Variants in KIF26A observed in about 807,000 individuals in gnomAD.
The protein encoded by KIF26A is kinesin-like protein KIF26A.
KIF26A carries 74 observed loss-of-function variants against 126.0 expected under a neutral mutation model. That is an observed-to-expected ratio of 0.59 (90% CI 0.49 to 0.71). KIF26A has a LOEUF of 0.71. Among genes scored for constraint, KIF26A ranks in the 30% least tolerant of loss-of-function variants. The pLI, the probability that KIF26A is intolerant of heterozygous loss-of-function variation, is 0.00. For synonymous variants in KIF26A, 1,445 were observed against 1,232.7 expected (o/e 1.17, Z -3.61); for missense variants, 2,984 against 2,763.3 (o/e 1.08, Z -1.79).
intron 4 of KIF26A, among the ~76,000 whole-genome samples, 154 bp from the exon 5 acceptor site, chr14:104,166,705 T>C (rs947974502): frequency 6.6e-6 from 1 of 152,012 alleles, no homozygotes; most frequent in Non-Finnish European, 1.5e-5. Context: ...ACTGTAGAAA[T>C]GAAGTGCAGG....
intron 2 of KIF26A, among the ~76,000 whole-genome samples, chr14:104,142,355 T>A (rs898177815): frequency 6.6e-6 from 1 of 151,646 alleles, no homozygotes; most frequent in Admixed American, 6.6e-5. Flanking sequence ...CACTGTGCCC[T>A]CTGCTCTCAC....
chr14:104,175,482 C>T lies in KIF26A; in HGVS notation c.2694C>T (p.Thr898=), dbSNP rs1175802812. The change falls in exon 12 of 15, where the codon ACC becomes ACT. Residue 898 remains threonine (T), a synonymous_variant. Transcript: ENST00000423312. ...KAVGTPMAAS[T]PRGSSGPDTH... The stretch of plus-strand genomic sequence containing the variant: ...TGGGCACCCCGATGGCTGCCAGCAC[C>T]CCTCGAGGCAGTTCTGGTCCAGACA... 1.3e-6 allele frequency: 2 copies of T among 1,593,198 alleles called. No homozygotes were observed. The highest frequency in any genetic ancestry group is 2.7e-5 in the African/African-American group (2 of 74,816).
At position 104,138,660 on chromosome 14, in the gene KIF26A, G is replaced by T. The variant is rs2051290906; in HGVS notation, c.-63G>T. ...CGCCTCGGGGCCGGATCACGTAGCC[G>T]CGGCGCCCCCGGAGAGCCAGCGTGG... On this transcript the variant is annotated 5_prime_UTR_variant, in exon 1 of 15. Transcript: ENST00000423312. 8.2e-7 allele frequency: 1 copy of T among 1,217,918 alleles called. No homozygotes were observed. The highest frequency in any genetic ancestry group is 4.2e-5 in the Admixed American group (1 of 23,866). The allele number at this position is 1,217,918 out of a possible 1,614,324, so 75.4% of individuals were successfully genotyped here.
rs147965835 is a variant in KIF26A at position 104,171,793 on chromosome 14, A to G, written c.1184A>G (p.Lys395Arg). The G allele has an allele frequency of 2.9e-4, 460 of 1,574,052 alleles. 3 individuals are homozygous for G. In the African/African-American group the frequency reaches 5.3e-3, roughly 18 times the overall value. The change falls in exon 6 of 15, where the codon AAG becomes AGG. Residue 395 changes from lysine (K) to arginine (R), a missense_variant. Transcript: ENST00000423312. ...TCGGCCGAGGCCATGTCCTTCCTGA[A>G]GGTGGACCCTCGGAAGAAGCAGGTG... ...QRSAEAMSFL[K>R]VDPRKKQVIL...
At chr14:104,146,052 T>G (rs939370521) in intron 2 of KIF26A, among the ~76,000 whole-genome samples, 2 of 152,208 alleles carry the variant, frequency 1.3e-5, no homozygotes, top group African/African-American at 4.8e-5. Context: ...CTCTGGGCCC[T>G]GGAGTCACCC....
At position 104,166,233 on chromosome 14, in the gene KIF26A, C is replaced by T. The variant is rs1414511267; in HGVS notation, c.924-626C>T. ...AGGATGGCTCTAGGGCCTTGGTGAT[C>T]GGCAAGGGGCAAGGCAGCCTCACCT... On this transcript the variant is annotated intron_variant, in intron 4 of 14. Transcript: ENST00000423312. Among the ~76,000 whole-genome samples the T allele has an allele frequency of 3.3e-5, 5 of 152,018 alleles. No homozygotes were observed. The East Asian group carries it at 7.7e-4, about 23-fold the overall frequency.
chr14:104,178,764 T>A lies in KIF26A; in HGVS notation c.5316+9T>A. 6.8e-7 allele frequency: 1 copy of A among 1,461,514 alleles called. No homozygotes were observed. Among genetic ancestry groups the A allele is most frequent in the South Asian group, 1.3e-5 (1 of 79,088 alleles). The allele number at this position is 1,461,514 out of a possible 1,614,324, so 90.5% of individuals were successfully genotyped here. On this transcript the variant is annotated intron_variant, in intron 13 of 14. Coordinates refer to ENST00000423312, the MANE Select transcript of KIF26A (RefSeq NM_015656.2). ...GGGAGGCCCCCACCCAGGTAGGGCC[T>A]TTGGTGGGCTGGGGTCTATGACCCC...
chr14:104,177,708 G>A lies in KIF26A; in HGVS notation c.4920G>A (p.Glu1640=). 6.5e-7 allele frequency: 1 copy of A among 1,531,622 alleles called. No homozygotes were observed. The highest frequency in any genetic ancestry group is 8.7e-7 in the Non-Finnish European group (1 of 1,144,576). 94.9% of individuals were successfully genotyped at this position (1,531,622 alleles called of 1,614,324 possible). The stretch of plus-strand genomic sequence containing the variant: ...ACAACAGCAGCGTGCTGAGTGGAGA[G>A]CTGCCGCCCGCCATGGGCCGCACCG... ...GSDNSSVLSG[E]LPPAMGRTAL... The change falls in exon 12 of 15, where the codon GAG becomes GAA. Residue 1640 remains glutamate (E), a synonymous_variant. Transcript: ENST00000423312.
chr14:104,175,837 A>G lies in KIF26A; in HGVS notation c.3049A>G (p.Thr1017Ala), dbSNP rs1366823349. ...RCPERGLLTT[T>A]VTLQRPVELN... is the part of the protein sequence containing the mutation. ...TCCGGAGCGGGGCCTGCTCACCACC[A>G]CAGTGACCCTGCAGCGGCCAGTGGA... The change falls in exon 12 of 15, where the codon ACA becomes GCA. Residue 1017 changes from threonine to alanine, a missense_variant. Coordinates refer to ENST00000423312, the MANE Select transcript of KIF26A (RefSeq NM_015656.2). The G allele has an allele frequency of 6.5e-7, 1 of 1,538,740 alleles. No homozygotes were observed. Among genetic ancestry groups the G allele is most frequent in the Admixed American group, 2.0e-5 (1 of 51,162 alleles).
At chr14:104,153,434 G>GC (rs2037748244) in intron 3 of KIF26A, among the ~76,000 whole-genome samples, 1 of 106,992 alleles carries the variant, frequency 9.3e-6, no homozygotes, top group Non-Finnish European at 2.2e-5. Context: ...AGGAGAGGGA[G>GC]CCCCACCCTT....
At chr14:104,156,527 C>T (rs2141099015) in intron 3 of KIF26A, among the ~76,000 whole-genome samples, 1 of 152,334 alleles carries the variant, frequency 6.6e-6, no homozygotes, top group East Asian at 1.9e-4. Flanking sequence ...CTTGGGGCTC[C>T]CTGTGAACTT....
Position 104,177,374 on chromosome 14 carries a change from G to T in KIF26A, c.4586G>T (p.Gly1529Val), listed in dbSNP as rs746912577. Residue 1529 changes from glycine (G) to valine (V), a missense_variant, in exon 12 of 15, where the codon GGC (glycine) becomes GTC (valine). Coordinates refer to ENST00000423312, the MANE Select transcript of KIF26A (RefSeq NM_015656.2). ...TASVTGRSPG[G>V]PVAGPRAAPR... Reference sequence around the variant, plus strand: ...TCTGTGACGGGCAGGAGCCCTGGCGGCCCTGTGGCCGGTCCCAGAGCAGCC... The same window carrying T: ...TCTGTGACGGGCAGGAGCCCTGGCGTCCCTGTGGCCGGTCCCAGAGCAGCC... 1 of 1,484,524 alleles carries T rather than the reference G, an allele frequency of 6.7e-7. No homozygotes were observed. Among genetic ancestry groups the T allele is most frequent in the Admixed American group, 2.3e-5 (1 of 42,884 alleles). The allele number at this position is 1,484,524 out of a possible 1,614,324, so 92.0% of individuals were successfully genotyped here.
chr14:104,141,536 G>A (rs1322588925), intron 2 of KIF26A, among the ~76,000 whole-genome samples: 2 of 151,940 alleles, frequency 1.3e-5, no homozygotes, highest in African/African-American at 2.4e-5. Context: ...AGAGGGTCGG[G>A]GCCCAGCCTG....
rs771086788 is a variant in KIF26A, at chr14:104,175,836, C to T, written c.3048C>T (p.Thr1016=). ...GTCCGGAGCGGGGCCTGCTCACCAC[C>T]ACAGTGACCCTGCAGCGGCCAGTGG... ...SRCPERGLLT[T]TVTLQRPVEL... Residue 1016 remains threonine (T), a synonymous_variant, in exon 12 of 15, where the codon ACC becomes ACT. Transcript: ENST00000423312. 4 of 1,538,934 alleles carry T rather than the reference C, an allele frequency of 2.6e-6. No individual in the cohort carries two copies. The South Asian group carries it at 4.8e-5, about 18-fold the overall frequency.
In KIF26A at chr14:104,176,706, G is replaced by A; in HGVS notation, c.3918G>A (p.Leu1306=). ...AGGCTGTGGCTCGGATCCCACCGCTGCGGAGGGGTGCCACCACGCTGGGTG... is the reference window on the plus strand; with the variant it reads ...AGGCTGTGGCTCGGATCCCACCGCTACGGAGGGGTGCCACCACGCTGGGTG... The part of the protein sequence containing the change: ...RPEAVARIPP[L]RRGATTLGVT... The change falls in exon 12 of 15, where the codon CTG becomes CTA. Residue 1306 remains leucine, a synonymous_variant. Transcript: ENST00000423312. The A allele has an allele frequency of 1.9e-6, 3 of 1,587,110 alleles. No individual in the cohort carries two copies. Among genetic ancestry groups the A allele is most frequent in the South Asian group, 1.1e-5 (1 of 88,032 alleles).
In KIF26A at chr14:104,148,086, C is replaced by T. The variant is rs2037695763; in HGVS notation, c.289-3929C>T. On this transcript the variant is annotated intron_variant, in intron 2 of 14. Coordinates refer to ENST00000423312, the MANE Select transcript of KIF26A (RefSeq NM_015656.2). The surrounding 1 kb of genome is among the most constrained non-coding windows in gnomAD (Gnocchi z 4.3). ...TTCTTTCCCATGGGCAGTGGCTTGGCTGGAGTGGGGAGACTTCTCTCCTGC... is the reference window on the plus strand; with the variant it reads ...TTCTTTCCCATGGGCAGTGGCTTGGTTGGAGTGGGGAGACTTCTCTCCTGC... Among the ~76,000 whole-genome samples, 1 of 152,170 alleles carries T rather than the reference C, an allele frequency of 6.6e-6. No homozygotes were observed. Among genetic ancestry groups the T allele is most frequent in the African/African-American group, 2.4e-5 (1 of 41,426 alleles).
chr14:104,178,647 G>A lies in KIF26A; in HGVS notation c.5208G>A (p.Pro1736=), dbSNP rs375841914. 3.2e-4 allele frequency: 492 copies of A among 1,553,728 alleles called. 2 individuals carry two copies. The African/African-American group carries it at 4.9e-3, about 16-fold the overall frequency. The part of the protein sequence containing the change: ...SLPGQWVDLP[P]PLAGSLKEPF... ...CCGGGCAGTGGGTGGACCTGCCCCC[G>A]CCCCTGGCTGGCTCCCTGAAGGAGC... The change falls in exon 13 of 15, where the codon CCG becomes CCA. Residue 1736 remains proline, a synonymous_variant. Coordinates refer to ENST00000423312, the MANE Select transcript of KIF26A (RefSeq NM_015656.2).
intron 7 of KIF26A, 71 bp from the exon 8 acceptor site, chr14:104,172,906 C>A: frequency 6.8e-7 from 1 of 1,461,532 alleles, no homozygotes; most frequent in Non-Finnish European, 9.0e-7. Context: ...GGTTGGCCCC[C>A]GGGGACGCCA....
intron 4 of KIF26A, among the ~76,000 whole-genome samples, chr14:104,162,988 C>T (rs1596141196): frequency 6.6e-6 from 1 of 152,356 alleles, no homozygotes; most frequent in Non-Finnish European, 1.5e-5. Context: ...GGTGGGGTAG[C>T]CCTGTCCCAG....
Sources: allele counts gnomAD v4.1 joint callset (sites outside exome capture counted in the v4.1 genomes callset), GRCh38; gene constraint gnomAD v4.1.1; non-coding constraint Gnocchi (gnomAD v3.1); transcripts MANE v1.5; gene names NCBI Gene and HGNC (gene_info 2026-07-23, HGNC 2026-07-21).